UBE2D1: variants seen among roughly 807,000 people sequenced by gnomAD.
UBE2D1 encodes the protein ubiquitin-conjugating enzyme E2 D1.
UBE2D1 carries 9 observed loss-of-function variants against 24.6 expected under a neutral mutation model. The observed-to-expected ratio is 0.37, with a 90% confidence interval of 0.22 to 0.64. The LOEUF (loss-of-function observed/expected upper bound fraction) is 0.64, where lower values mean the gene tolerates loss of function less well. UBE2D1 is among the 30% of genes least tolerant of loss of function. The pLI is 0.64. For missense variants in UBE2D1, 87 were observed against 177.1 expected, an observed-to-expected ratio of 0.49 and a Z score of 2.89; for synonymous variants, 57 against 57.6, an observed-to-expected ratio of 0.99 and a Z score of 0.04.
chr10:58,335,033 C>CGCACACGGAGCAGGGACCG lies in UBE2D1; in HGVS notation c.-166_-148dup, dbSNP rs1330693652. On this transcript the variant is annotated 5_prime_UTR_variant, in exon 1 of 7. Coordinates refer to ENST00000373910, the MANE Select transcript of UBE2D1 (RefSeq NM_003338.5). ...ACACTCGCGCACACTCGCGCTCGGG[C>CGCACACGGAGCAGGGACCG]GCACACGGAGCAGGGACCGGCGCCC... 4 of 628,518 alleles carry CGCACACGGAGCAGGGACCG rather than the reference C, an allele frequency of 6.4e-6. No homozygotes were observed. Among genetic ancestry groups the CGCACACGGAGCAGGGACCG allele is most frequent in the Non-Finnish European group, 1.0e-5 (4 of 382,718 alleles). The allele number at this position is 628,518 out of a possible 1,614,324, so 38.9% of individuals were successfully genotyped here. A position where few individuals can be genotyped will look rare whatever the true frequency, so the allele number is the denominator to read the frequency against.
At chr10:58,335,341 G>A in intron 1 of UBE2D1, 116 bp downstream of exon 1, 2 of 1,243,752 alleles carry the variant, frequency 1.6e-6, no homozygotes, top group Non-Finnish European at 1.1e-6. Context: ...GTGGGCCGGG[G>A]TGCGGGCAGG....
chr10:58,335,249 G>A, intron 1 of UBE2D1, 24 bp downstream of exon 1: 1 of 1,521,826 alleles, frequency 6.6e-7, no homozygotes, highest in African/African-American at 1.4e-5. Context: ...CCGGGCCTGG[G>A]GCTGCGGGGC....
chr10:58,359,264 A>C (rs960750023), intron 1 of UBE2D1, among the ~76,000 whole-genome samples: 5 of 152,168 alleles, frequency 3.3e-5, no homozygotes, highest in Non-Finnish European at 7.4e-5. Context: ...TAACTTTTCT[A>C]AAGTGTGGAT....
At chr10:58,364,497 C>G (rs1217584870) in intron 4 of UBE2D1, 1 of 255,360 alleles carries the variant, frequency 3.9e-6, no homozygotes, top group Non-Finnish European at 7.4e-6. Flanking sequence ...ACCAGTCATA[C>G]CGGCTACTAG....
At chr10:58,363,802 C>A in intron 4 of UBE2D1, 116 bp downstream of exon 4, 1 of 633,526 alleles carries the variant, frequency 1.6e-6, no homozygotes. Flanking sequence ...GGGAGGTTAG[C>A]ATTTTCAAAC....
At chr10:58,360,973 C>G (rs1321656274) in intron 1 of UBE2D1, 1 of 462,176 alleles carries the variant, frequency 2.2e-6, no homozygotes, top group Non-Finnish European at 4.3e-6. Context: ...AGCCTTCATG[C>G]TCCCTCAATA....
chr10:58,346,010 CTTTT>C (rs972974578), intron 1 of UBE2D1, among the ~76,000 whole-genome samples: 4 of 136,480 alleles, frequency 2.9e-5, no homozygotes, highest in African/African-American at 5.4e-5. Flanking sequence ...GGAGCTAATA[CTTTT>C]TTTTTTTTTT....
At chr10:58,364,725 G>A (rs768174539) in intron 4 of UBE2D1, 46 bp from the exon 5 acceptor site, 10 of 1,425,238 alleles carry the variant, frequency 7.0e-6, no homozygotes, top group South Asian at 1.2e-5. Flanking sequence ...ATTCATAGTT[G>A]ATTCAAAGGT....
At chr10:58,342,823 G>T (rs143799950) in intron 1 of UBE2D1, among the ~76,000 whole-genome samples, 12,018 of 138,720 alleles carry the variant, frequency 0.087, 732 homozygotes, top group African/African-American at 0.18. Context: ...GTTTTTTTTG[G>T]TTTTTTTTTT....
chr10:58,359,464 A>G (rs1476110152), intron 1 of UBE2D1, among the ~76,000 whole-genome samples: 1 of 152,150 alleles, frequency 6.6e-6, no homozygotes, highest in Admixed American at 6.5e-5. Context: ...ATATGCAATG[A>G]TTTTCCAATT....
chr10:58,347,804 AG>A (rs1374355020), intron 1 of UBE2D1, among the ~76,000 whole-genome samples: 2 of 151,898 alleles, frequency 1.3e-5, no homozygotes, highest in African/African-American at 4.8e-5. Flanking sequence ...TGTGCCACCA[AG>A]CCTGGCTAAT....
chr10:58,358,676 G>C lies in UBE2D1; in HGVS notation c.25-2662G>C, dbSNP rs77751315. 7.1e-3 allele frequency among the ~76,000 whole-genome samples: 1,085 copies of C among 152,246 alleles called. 11 individuals carry two copies. The highest frequency in any genetic ancestry group is 0.024 in the African/African-American group (1,007 of 41,550). On this transcript the variant is annotated intron_variant, in intron 1 of 6. Coordinates refer to ENST00000373910, the MANE Select transcript of UBE2D1 (RefSeq NM_003338.5). The stretch of plus-strand genomic sequence containing the variant: ...AAGATCATGTGGGAAGTGAGTGGTG[G>C]CACCCAGACTTGAACTTCAAAGCCT...
intron 1 of UBE2D1, among the ~76,000 whole-genome samples, chr10:58,354,539 A>G (rs375736557): frequency 6.6e-6 from 1 of 152,094 alleles, no homozygotes; most frequent in Non-Finnish European, 1.5e-5. Context: ...ATCATTTACC[A>G]TATGAGAGAT....
chr10:58,339,518 T>C (rs758021533), intron 1 of UBE2D1, among the ~76,000 whole-genome samples: 3 of 152,192 alleles, frequency 2.0e-5, no homozygotes, highest in Non-Finnish European at 4.4e-5. Flanking sequence ...TCCATACATA[T>C]GAGGCTGCTG....
At chr10:58,341,063 A>G (rs1255788745) in intron 1 of UBE2D1, among the ~76,000 whole-genome samples, 2 of 152,234 alleles carry the variant, frequency 1.3e-5, no homozygotes, top group African/African-American at 4.8e-5. Flanking sequence ...ACATGCTGAG[A>G]TCGTTTAACA....
intron 1 of UBE2D1, among the ~76,000 whole-genome samples, chr10:58,354,210 G>A (rs1480316718): frequency 6.6e-6 from 1 of 152,168 alleles, no homozygotes; most frequent in East Asian, 1.9e-4. Context: ...GAGACTCAAA[G>A]AGGTTAAGTA....
At chr10:58,347,639 CTTTTTTTT>C (rs774396274) in intron 1 of UBE2D1, among the ~76,000 whole-genome samples, 1 of 116,240 alleles carries the variant, frequency 8.6e-6, no homozygotes, top group African/African-American at 3.4e-5. Flanking sequence ...AAATTACACT[CTTTTTTTT>C]TTTTTTTTTT....
intron 3 of UBE2D1, among the ~76,000 whole-genome samples, chr10:58,362,548 T>C (rs575032931): frequency 6.6e-6 from 1 of 152,284 alleles, no homozygotes; most frequent in South Asian, 2.1e-4. Flanking sequence ...CCCTTACCTT[T>C]TGAATTATGG....
rs149785200 is a variant in UBE2D1 at position 58,343,389 on chromosome 10, AGT to A, written c.24+8177_24+8178del. On this transcript the variant is annotated intron_variant, in intron 1 of 6. Transcript: ENST00000373910. ...GGTGTTGTTTCATGAAATTTGTTTTAGTGTGTGTGTGTGTACTAGGTTGTAAT... is the reference window on the plus strand; with the variant it reads ...GGTGTTGTTTCATGAAATTTGTTTTAGTGTGTGTGTGTACTAGGTTGTAAT... Among the ~76,000 whole-genome samples, 137 of 147,924 alleles carry A rather than the reference AGT, an allele frequency of 9.3e-4. No homozygotes were observed. The Middle Eastern group carries it at 0.014, about 15-fold the overall frequency.
Sources: gnomAD v4.1 joint callset for allele counts (sites outside exome capture counted in the v4.1 genomes callset) on GRCh38, gnomAD v4.1.1 for gene constraint, MANE v1.5 for transcripts, NCBI Gene and HGNC (gene_info 2026-07-23, HGNC 2026-07-21) for gene names.